The following FSTL4 variants were observed in gnomAD, a reference collection of about 807,000 sequenced individuals.
FSTL4 encodes follistatin-related protein 4.
In FSTL4, 28 loss-of-function variants were observed where a neutral mutation model predicts 78.2. That is an observed-to-expected ratio of 0.36 (90% confidence interval 0.27 to 0.49). The LOEUF is 0.49. Ranked by LOEUF, FSTL4 falls within the 20% of genes least tolerant of loss-of-function variation. FSTL4 has a pLI of 0.98. For missense variants in FSTL4, 922 were observed against 1,084.9 expected (o/e 0.85, Z 2.11); for synonymous variants, 422 against 440.5 (o/e 0.96, Z 0.53).
At chr5:133,364,754 C>T (rs1336271512) in intron 4 of FSTL4, among the ~76,000 whole-genome samples, 1 of 152,138 alleles carries the variant, frequency 6.6e-6, no homozygotes, top group African/African-American at 2.4e-5. Context: ...TTTTATCAAC[C>T]GTTCTCAAAA....
chr5:133,646,206 G>C, the FSTL4 span, among the ~76,000 whole-genome samples: 1 of 152,174 alleles, frequency 6.6e-6, no homozygotes, highest in Non-Finnish European at 1.5e-5. Flanking sequence ...AAGCATCTTT[G>C]AGGAGGTGAC....
intron 15 of FSTL4, 75 bp downstream of exon 15, chr5:133,201,858 T>C (rs1248359076): frequency 2.1e-5 from 17 of 798,328 alleles, no homozygotes; most frequent in Middle Eastern, 2.4e-4. Context: ...GCAGGTCCCA[T>C]GCTGGGCAAT....
intron 6 of FSTL4, among the ~76,000 whole-genome samples, chr5:133,255,120 G>A (rs979634109): frequency 1.3e-5 from 2 of 152,204 alleles, no homozygotes; most frequent in Non-Finnish European, 2.9e-5. Context: ...GTCCCTGGAC[G>A]ACCAAACGTG....
chr5:133,772,857 A>G, the FSTL4 span, among the ~76,000 whole-genome samples: 1 of 152,136 alleles, frequency 6.6e-6, no homozygotes, highest in Non-Finnish European at 1.5e-5. Flanking sequence ...TGAGGGACAC[A>G]CACAAACCAT....
chr5:133,423,314 G>A (rs1276280248), intron 3 of FSTL4, among the ~76,000 whole-genome samples: 1 of 152,198 alleles, frequency 6.6e-6, no homozygotes. Flanking sequence ...AGTCCTAAAT[G>A]CATCCAGGCG....
chr5:133,731,617 G>A, the FSTL4 span, among the ~76,000 whole-genome samples: 3 of 152,180 alleles, frequency 2.0e-5, no homozygotes, highest in East Asian at 1.9e-4. Flanking sequence ...TGGGTGGGGG[G>A]CCAAGGGAGT....
At chr5:133,719,878 G>A in the FSTL4 span, among the ~76,000 whole-genome samples, 2 of 152,056 alleles carry the variant, frequency 1.3e-5, no homozygotes, top group African/African-American at 4.8e-5. Flanking sequence ...GGAAATACAG[G>A]ATAAGATTGG....
At chr5:133,745,290 T>C in the FSTL4 span, among the ~76,000 whole-genome samples, 2 of 152,188 alleles carry the variant, frequency 1.3e-5, no homozygotes, top group East Asian at 1.9e-4. Flanking sequence ...TTTGCCTTTA[T>C]TGGAAAATGT....
rs10671234 is a variant in FSTL4 at position 133,514,182 on chromosome 5, GATAATAATAATA to G, written c.160+52992_160+53003del. 2.3e-4 allele frequency among the ~76,000 whole-genome samples: 27 copies of G among 116,634 alleles called. No homozygotes were observed. In the South Asian group the frequency reaches 2.7e-3, roughly 12 times the overall value. The allele number at this position is 116,634 out of a possible 152,430, so 76.5% of individuals were successfully genotyped here. ...CTAAAGAGCAAGACTCCGTCTCAATGATAATAATAATAATAATAATAATAATAATAATAATAA... is the reference window on the plus strand; with the variant it reads ...CTAAAGAGCAAGACTCCGTCTCAATGATAATAATAATAATAATAATAATAA... On this transcript the variant is annotated intron_variant, in intron 3 of 15. Coordinates refer to ENST00000265342, the MANE Select transcript of FSTL4 (RefSeq NM_015082.2).
chr5:133,725,798 T>C, the FSTL4 span, among the ~76,000 whole-genome samples: 3 of 152,210 alleles, frequency 2.0e-5, no homozygotes, highest in African/African-American at 4.8e-5. Context: ...GTCAGTCACA[T>C]GAAAAGAGCA....
At chr5:133,211,867 G>C (rs751423311) in intron 13 of FSTL4, among the ~76,000 whole-genome samples, 1 of 152,022 alleles carries the variant, frequency 6.6e-6, no homozygotes, top group East Asian at 1.9e-4. Context: ...TCAACCTAAC[G>C]TATAGAGAAT....
the FSTL4 span, among the ~76,000 whole-genome samples, chr5:133,758,259 A>G: frequency 6.6e-6 from 1 of 152,232 alleles, no homozygotes; most frequent in Non-Finnish European, 1.5e-5. Flanking sequence ...AAGGTTGAGA[A>G]TAGATATATC....
intron 6 of FSTL4, among the ~76,000 whole-genome samples, chr5:133,302,377 G>C (rs1194187452): frequency 6.6e-6 from 1 of 152,184 alleles, no homozygotes; most frequent in African/African-American, 2.4e-5. Context: ...AACTTCCACA[G>C]CCTCTGCCAT....
At chr5:133,787,805 C>G in the FSTL4 span, among the ~76,000 whole-genome samples, 1 of 152,260 alleles carries the variant, frequency 6.6e-6, no homozygotes. Context: ...GCTGCCTGTC[C>G]TCCCCAGACC....
At chr5:133,308,076 G>A (rs540696816) in intron 6 of FSTL4, among the ~76,000 whole-genome samples, 8 of 152,294 alleles carry the variant, frequency 5.3e-5, no homozygotes, top group South Asian at 2.1e-4. Flanking sequence ...CACCGTGCCC[G>A]GCCTTGTCTG....
At chr5:133,836,548 G>A in the FSTL4 span, among the ~76,000 whole-genome samples, 4 of 152,038 alleles carry the variant, frequency 2.6e-5, no homozygotes, top group African/African-American at 4.8e-5. Context: ...ATGTATGTGT[G>A]TGGATGTATT....
chr5:133,508,318 C>T (rs1358675701), intron 3 of FSTL4, among the ~76,000 whole-genome samples: 1 of 152,136 alleles, frequency 6.6e-6, no homozygotes, highest in African/African-American at 2.4e-5. Context: ...TCTAAAATAG[C>T]CCTTTCCTTT....
the FSTL4 span, among the ~76,000 whole-genome samples, chr5:133,644,340 G>T: frequency 1.3e-5 from 2 of 151,948 alleles, no homozygotes; most frequent in Non-Finnish European, 2.9e-5. Context: ...TAACCCTGCG[G>T]CAGGGGCAGG....
At chr5:133,546,489 G>C (rs1759574882) in intron 3 of FSTL4, among the ~76,000 whole-genome samples, 1 of 125,836 alleles carries the variant, frequency 7.9e-6, no homozygotes. Context: ...CTGGCTGACA[G>C]AGCGAGACTT....
Sources: allele counts gnomAD v4.1 joint callset (sites outside exome capture counted in the v4.1 genomes callset), GRCh38; gene constraint gnomAD v4.1.1; transcripts MANE v1.5; gene names NCBI Gene and HGNC (gene_info 2026-07-23, HGNC 2026-07-21).